Variants in FYB2 observed in about 807,000 individuals in gnomAD.
FYB2 encodes the protein FYN binding protein 2, also known as FYN-binding protein 2.
Under a neutral mutation model 94.1 loss-of-function variants are expected in FYB2, and 103 were observed. The observed-to-expected ratio is 1.09, with a 90% CI of 0.93 to 1.29. The LOEUF is 1.29. FYB2 is among the 50% of genes most tolerant of loss of function. The pLI is 0.00. For missense variants in FYB2, 896 were observed against 841.5 expected (o/e 1.06, Z -0.80); for synonymous variants, 293 against 287.9 (o/e 1.02, Z -0.18).
At chr1:56,740,381 T>C (rs1479349911) in intron 13 of FYB2, among the ~76,000 whole-genome samples, 1 of 152,098 alleles carries the variant, frequency 6.6e-6, no homozygotes, top group East Asian at 1.9e-4. Flanking sequence ...TAATGCTTAG[T>C]GGTAACAACA....
intron 4 of FYB2, among the ~76,000 whole-genome samples, chr1:56,778,163 G>T (rs927318358): frequency 6.6e-6 from 1 of 152,108 alleles, no homozygotes. Context: ...AATGGTTTCT[G>T]TATGACCAAC....
chr1:56,734,666 G>A (rs994499809), intron 15 of FYB2, among the ~76,000 whole-genome samples: 7 of 151,928 alleles, frequency 4.6e-5, no homozygotes, highest in Admixed American at 6.6e-5. Context: ...CTTGTCAGGC[G>A]GTGAGGGGCT....
intron 17 of FYB2, among the ~76,000 whole-genome samples, chr1:56,722,933 C>G (rs1406116369): frequency 6.6e-6 from 1 of 151,936 alleles, no homozygotes; most frequent in Non-Finnish European, 1.5e-5. Flanking sequence ...GTTAATAATC[C>G]TCACTTTGAC....
At chr1:56,755,277 C>G (rs550573889) in intron 7 of FYB2, among the ~76,000 whole-genome samples, 1 of 152,066 alleles carries the variant, frequency 6.6e-6, no homozygotes, top group Non-Finnish European at 1.5e-5. Flanking sequence ...AGGATGAATT[C>G]TCATGTTAGC....
chr1:56,738,171 T>A (rs188971514), intron 14 of FYB2, among the ~76,000 whole-genome samples: 1 of 152,260 alleles, frequency 6.6e-6, no homozygotes, highest in Admixed American at 6.5e-5. Flanking sequence ...AACATTCCAA[T>A]GATCCATTCT....
Position 56,723,619 on chromosome 1 carries a change from C to G in FYB2, c.1943G>C (p.Arg648Thr), listed in dbSNP as rs1429512044. The G allele has an allele frequency of 2.6e-6, 4 of 1,565,670 alleles. No individual in the cohort carries two copies. The African/African-American group carries it at 4.1e-5, about 16-fold the overall frequency. ...CCTTTCTCTAAATAGTTTTTCTTCT[C>G]TTTTCATTCTGTTCTTTTCTAAGTT... ...KQNLEKNRMK[R>T]EEKLFRERFK... Residue 648 changes from arginine (R) to threonine (T), a missense_variant, in exon 17 of 20, where the codon AGA (arginine) becomes ACA (threonine). Arg to Thr is a moderately conservative substitution (Grantham distance 71, BLOSUM62 -1). Transcript: ENST00000343433.
chr1:56,795,879 A>G (rs925383115), intron 1 of FYB2, among the ~76,000 whole-genome samples: 4 of 152,232 alleles, frequency 2.6e-5, no homozygotes, highest in African/African-American at 9.6e-5. Context: ...TCACTAGTTC[A>G]GCGGGGAGCA....
intron 6 of FYB2, among the ~76,000 whole-genome samples, chr1:56,757,860 C>G (rs1404436186): frequency 6.6e-6 from 1 of 151,212 alleles, no homozygotes; most frequent in East Asian, 2.0e-4. Flanking sequence ...ACCTCCACCT[C>G]CTGGGCTTAA....
intron 5 of FYB2, among the ~76,000 whole-genome samples, chr1:56,763,731 A>AT (rs901370427): frequency 2.0e-5 from 3 of 150,968 alleles, no homozygotes; most frequent in East Asian, 2.0e-4. Flanking sequence ...AATTTTATTG[A>AT]TTTTTTTTCA....
At chr1:56,744,501 G>T (rs1391990034) in intron 9 of FYB2, among the ~76,000 whole-genome samples, 2 of 151,910 alleles carry the variant, frequency 1.3e-5, no homozygotes, top group African/African-American at 4.8e-5. Context: ...TGTGGTTTTG[G>T]CAAGGATTAA....
At chr1:56,757,773 C>CT (rs550971752) in intron 6 of FYB2, among the ~76,000 whole-genome samples, 36 of 87,282 alleles carry the variant, frequency 4.1e-4, no homozygotes, top group South Asian at 1.4e-3. Context: ...CTTTCTTTTT[C>CT]TTTTTTTTTT....
At chr1:56,811,688 C>T (rs570628960) in intron 1 of FYB2, among the ~76,000 whole-genome samples, 1 of 152,336 alleles carries the variant, frequency 6.6e-6, no homozygotes, top group East Asian at 1.9e-4. Context: ...ACCCAGAGGT[C>T]TTGAGACTCC....
At chr1:56,817,242 A>G (rs1423224597) in intron 1 of FYB2, among the ~76,000 whole-genome samples, 1 of 152,150 alleles carries the variant, frequency 6.6e-6, no homozygotes, top group Non-Finnish European at 1.5e-5. Context: ...AGCTCCAGTC[A>G]TTCCTTGAAA....
chr1:56,736,424 CTTTT>C (rs59242700), intron 15 of FYB2, among the ~76,000 whole-genome samples: 2 of 119,996 alleles, frequency 1.7e-5, no homozygotes, highest in Admixed American at 8.8e-5. Flanking sequence ...TTAAGGATGG[CTTTT>C]TTTTTTTTTT....
At chr1:56,733,398 T>C (rs963522083) in intron 15 of FYB2, among the ~76,000 whole-genome samples, 1 of 152,128 alleles carries the variant, frequency 6.6e-6, no homozygotes, top group African/African-American at 2.4e-5. Context: ...GATTCATTGA[T>C]TTTTTGAAGG....
At chr1:56,787,003 T>G (rs536824025) in intron 4 of FYB2, among the ~76,000 whole-genome samples, 172 bp downstream of exon 4, 2 of 152,292 alleles carry the variant, frequency 1.3e-5, no homozygotes, top group South Asian at 2.1e-4. Flanking sequence ...TGCAATTTAT[T>G]TAATCTTTTC....
intron 17 of FYB2, among the ~76,000 whole-genome samples, chr1:56,723,129 G>A (rs950693469): frequency 2.2e-4 from 34 of 151,788 alleles, no homozygotes; most frequent in Admixed American, 5.3e-4. Flanking sequence ...TTTATGTCAG[G>A]CCCTGGGGAA....
At chr1:56,796,710 C>A (rs560168148) in intron 1 of FYB2, among the ~76,000 whole-genome samples, 17 of 152,290 alleles carry the variant, frequency 1.1e-4, no homozygotes, top group Admixed American at 5.2e-4. Flanking sequence ...GGGCCTCCCC[C>A]CAACATGCTT....
At chr1:56,806,701 C>G (rs1194348703) in intron 1 of FYB2, among the ~76,000 whole-genome samples, 1 of 152,136 alleles carries the variant, frequency 6.6e-6, no homozygotes, top group East Asian at 1.9e-4. Context: ...GATAACTATT[C>G]ATTGCAAACA....
Sources: allele counts gnomAD v4.1 joint callset (sites outside exome capture counted in the v4.1 genomes callset), GRCh38; gene constraint gnomAD v4.1.1; transcripts MANE v1.5; gene names NCBI Gene and HGNC (gene_info 2026-07-23, HGNC 2026-07-21).